Variants in PIEZO2 observed in about 807,000 individuals in gnomAD.
PIEZO2 encodes piezo type mechanosensitive ion channel component 2.
A neutral mutation model predicts 337.3 loss-of-function variants in PIEZO2; 172 were observed. The ratio of observed to expected loss-of-function variants is 0.51; its 90% CI spans 0.45 to 0.58. The LOEUF (loss-of-function observed/expected upper bound fraction) is 0.58. PIEZO2 is among the 20% of genes least tolerant of loss of function. The pLI is 0.00. For missense variants in PIEZO2, 3,028 were observed against 3,391.3 expected (o/e 0.89, Z 2.66); for synonymous variants, 1,251 against 1,228.5 (o/e 1.02, Z -0.38).
intron 36 of PIEZO2, among the ~76,000 whole-genome samples, chr18:10,723,527 T>G (rs909826791): frequency 6.6e-5 from 10 of 152,154 alleles, no homozygotes; most frequent in African/African-American, 2.4e-4. Context: ...GGTTTTGTTT[T>G]GTTTTTTAAG....
At chr18:10,780,063 C>T (rs1329494301) in intron 18 of PIEZO2, among the ~76,000 whole-genome samples, 1 of 152,148 alleles carries the variant, frequency 6.6e-6, no homozygotes, top group African/African-American at 2.4e-5. Context: ...TACCAAAGAA[C>T]AGAATGAATG....
chr18:10,982,003 C>T lies in PIEZO2; in HGVS notation c.161-2343G>A, dbSNP rs532148846. Among the ~76,000 whole-genome samples the T allele has an allele frequency of 5.3e-5, 8 of 152,270 alleles. No individual in the cohort carries two copies. In the South Asian group the frequency reaches 8.3e-4, roughly 16 times the overall value. On this transcript the variant is annotated intron_variant, in intron 2 of 55. Transcript: ENST00000674853. The surrounding 1 kb of genome is among the most constrained non-coding windows in gnomAD (Gnocchi z 4.1). ...GAGACTGGGACTTCCTTCCTCCAAG[C>T]CCACAATCCAAATACCTCCCATCAG...
At chr18:10,965,500 T>C (rs557564614) in intron 3 of PIEZO2, among the ~76,000 whole-genome samples, 1 of 152,306 alleles carries the variant, frequency 6.6e-6, no homozygotes, top group East Asian at 1.9e-4. Context: ...GCTTGAAATA[T>C]TATGGTGCTC....
chr18:10,835,933 T>G (rs1304706729), intron 7 of PIEZO2, among the ~76,000 whole-genome samples: 4 of 152,224 alleles, frequency 2.6e-5, no homozygotes, highest in Admixed American at 1.3e-4. Context: ...GATGAAAGTT[T>G]TTATAGTAAT....
At chr18:11,068,805 GC>G (rs991848753) in intron 1 of PIEZO2, among the ~76,000 whole-genome samples, 2 of 151,976 alleles carry the variant, frequency 1.3e-5, no homozygotes, top group African/African-American at 4.8e-5. Context: ...GACAGAAGAT[GC>G]AAAAAATTAA....
rs535613156 is a variant in PIEZO2 at position 10,704,731 on chromosome 18, C to T, written c.6000-79G>A. On this transcript the variant is annotated intron_variant, in intron 41 of 55. Transcript: ENST00000674853. ...TGGAGTTTTGCTCTTGTTGCCCAGG[C>T]TGGAGTGCAATGGCGTGATCTTGGC... The T allele has an allele frequency of 8.2e-6, 12 of 1,468,324 alleles. No individual in the cohort carries two copies. In the South Asian group the frequency reaches 1.2e-4, roughly 15 times the overall value. 91.0% of individuals were successfully genotyped at this position (1,468,324 alleles called of 1,614,324 possible).
chr18:10,675,884 G>T (rs977686036), intron 53 of PIEZO2, among the ~76,000 whole-genome samples: 1 of 152,132 alleles, frequency 6.6e-6, no homozygotes, highest in East Asian at 1.9e-4. Context: ...CCCTGCACGT[G>T]CTCCCTTGCC....
intron 7 of PIEZO2, among the ~76,000 whole-genome samples, chr18:10,831,059 CT>C (rs1256432171): frequency 6.6e-6 from 1 of 152,110 alleles, no homozygotes; most frequent in Non-Finnish European, 1.5e-5. Context: ...AAAGGGAACC[CT>C]TGTACACTGC....
chr18:10,786,289 A>G (rs997101752), intron 16 of PIEZO2, among the ~76,000 whole-genome samples: 3 of 152,248 alleles, frequency 2.0e-5, no homozygotes, highest in Non-Finnish European at 4.4e-5. Context: ...TATAAGATCT[A>G]CAGGGCTTAG....
rs578022723 is a variant in PIEZO2, at chr18:10,833,582, C to T, written c.917+21771G>A. On this transcript the variant is annotated intron_variant, in intron 7 of 55. Coordinates refer to ENST00000674853, the MANE Select transcript of PIEZO2 (RefSeq NM_001378183.1). The surrounding 1 kb of genome is among the most constrained non-coding windows in gnomAD (Gnocchi z 4.7). ...ATGAGAGATTGTACAGCCCAAACTG[C>T]ACCTGAACCACGCAAGCTGTGAGGA... Among the ~76,000 whole-genome samples the T allele has an allele frequency of 6.6e-6, 1 of 152,348 alleles. No individual in the cohort carries two copies. Among genetic ancestry groups the T allele is most frequent in the South Asian group, 2.1e-4 (1 of 4,824 alleles).
chr18:10,785,231 G>C (rs1568054915), intron 16 of PIEZO2, among the ~76,000 whole-genome samples: 1 of 152,122 alleles, frequency 6.6e-6, no homozygotes, highest in African/African-American at 2.4e-5. Context: ...AAGCAAGTGT[G>C]GTCTTGACAC....
In PIEZO2 at chr18:10,693,672, G is replaced by A. The variant is rs1019482068; in HGVS notation, c.7191-2289C>T. On this transcript the variant is annotated intron_variant, in intron 47 of 55. Coordinates refer to ENST00000674853, the MANE Select transcript of PIEZO2 (RefSeq NM_001378183.1). Reference sequence around the variant, plus strand: ...TGAGCCACCATGCCCAACCCAATCCGGATGTCTTTTATTTTTACTTATTTT... The same window carrying A: ...TGAGCCACCATGCCCAACCCAATCCAGATGTCTTTTATTTTTACTTATTTT... Among the ~76,000 whole-genome samples, 16 of 151,276 alleles carry A rather than the reference G, an allele frequency of 1.1e-4. No homozygotes were observed. In the East Asian group the frequency reaches 2.9e-3, roughly 28 times the overall value.
At chr18:10,755,441 G>A (rs988491449) in intron 27 of PIEZO2, among the ~76,000 whole-genome samples, 2 of 152,302 alleles carry the variant, frequency 1.3e-5, no homozygotes, top group African/African-American at 4.8e-5. Context: ...AGCTTCCTCA[G>A]ACAGCTGACT....
Position 10,962,899 on chromosome 18 carries a change from A to AT in PIEZO2, c.286+16635dup, listed in dbSNP as rs1347102904. ...CCTGAAAGCTATATTCTGTCGTGAAATGCATACACCTCTATCATCTCATAA... is the reference window on the plus strand; with the variant it reads ...CCTGAAAGCTATATTCTGTCGTGAAATTGCATACACCTCTATCATCTCATAA... On this transcript the variant is annotated intron_variant, in intron 3 of 55. Coordinates refer to ENST00000674853, the MANE Select transcript of PIEZO2 (RefSeq NM_001378183.1). The surrounding 1 kb of genome is among the most constrained non-coding windows in gnomAD (Gnocchi z 4.1). Among the ~76,000 whole-genome samples, 1 of 152,182 alleles carries AT rather than the reference A, an allele frequency of 6.6e-6. No individual in the cohort carries two copies. Among genetic ancestry groups the AT allele is most frequent in the Non-Finnish European group, 1.5e-5 (1 of 68,038 alleles).
Position 10,819,962 on chromosome 18 carries a change from T to C in PIEZO2, c.918-12688A>G, listed in dbSNP as rs975354608. On this transcript the variant is annotated intron_variant, in intron 7 of 55. Coordinates refer to ENST00000674853, the MANE Select transcript of PIEZO2 (RefSeq NM_001378183.1). This position sits in a 1 kb window ranked among gnomAD's most constrained non-coding sequence, Gnocchi z 4.3. The stretch of plus-strand genomic sequence containing the variant: ...TACAGAATTATAGGTTCATAGTTTT[T>C]TTCCCTTTGAGAAGCAACTTTAATA... Among the ~76,000 whole-genome samples the C allele has an allele frequency of 1.3e-5, 2 of 152,180 alleles. No individual in the cohort carries two copies. Among genetic ancestry groups the C allele is most frequent in the African/African-American group, 4.8e-5 (2 of 41,462 alleles).
At chr18:11,076,007 G>A (rs1053835453) in intron 1 of PIEZO2, among the ~76,000 whole-genome samples, 1 of 151,994 alleles carries the variant, frequency 6.6e-6, no homozygotes, top group African/African-American at 2.4e-5. Context: ...AGGATGGCCT[G>A]GATCTCCTGA....
chr18:10,823,177 T>A (rs946740315), intron 7 of PIEZO2, among the ~76,000 whole-genome samples: 4 of 152,144 alleles, frequency 2.6e-5, no homozygotes, highest in African/African-American at 9.7e-5. Context: ...AATGTCTAGG[T>A]TCTCTTTTTA....
chr18:11,088,878 T>C, intron 1 of PIEZO2, among the ~76,000 whole-genome samples: 1 of 152,030 alleles, frequency 6.6e-6, no homozygotes, highest in East Asian at 1.9e-4. Flanking sequence ...AAATGGAAAA[T>C]ATCCAACCAC....
intron 40 of PIEZO2, 117 bp from the exon 41 acceptor site, chr18:10,705,863 C>T: frequency 8.0e-7 from 1 of 1,247,402 alleles, no homozygotes; most frequent in Non-Finnish European, 1.1e-6. Context: ...ATTTTCCCCC[C>T]TGCATTCCAT....
Sources: allele counts gnomAD v4.1 joint callset (sites outside exome capture counted in the v4.1 genomes callset), GRCh38; gene constraint gnomAD v4.1.1; non-coding constraint Gnocchi (gnomAD v3.1); transcripts MANE v1.5; gene names NCBI Gene and HGNC (gene_info 2026-07-23, HGNC 2026-07-21).